TACC1: variants seen among roughly 807,000 people sequenced by gnomAD.
TACC1 encodes the protein transforming acidic coiled-coil containing protein 1, also known as transforming acidic coiled-coil-containing protein 1.
Under a neutral mutation model 84.4 loss-of-function variants are expected in TACC1, and 48 were observed. The observed-to-expected ratio is 0.57, with a 90% CI of 0.45 to 0.72. TACC1 has a LOEUF of 0.72. Among genes scored for constraint, TACC1 ranks in the 30% least tolerant of loss-of-function variants. The pLI, the probability that TACC1 is intolerant of heterozygous loss-of-function variation, is 0.00. For missense variants in TACC1, 920 were observed against 973.0 expected (o/e 0.95, Z 0.72); for synonymous variants, 372 against 376.3 (o/e 0.99, Z 0.13).
At chr8:38,832,894 A>G (rs988992937) in intron 6 of TACC1, among the ~76,000 whole-genome samples, 1 of 152,236 alleles carries the variant, frequency 6.6e-6, no homozygotes, top group African/African-American at 2.4e-5. Context: ...AATCAGTGGC[A>G]TCTGTGCTCA....
At position 38,787,268 on chromosome 8, in the gene TACC1, G is replaced by A; in HGVS notation, c.-315G>A. The A allele has an allele frequency of 9.4e-7, 1 of 1,065,754 alleles. No homozygotes were observed. Among genetic ancestry groups the A allele is most frequent in the Non-Finnish European group, 1.1e-6 (1 of 882,240 alleles). The allele number at this position is 1,065,754 out of a possible 1,614,324, so 66.0% of individuals were successfully genotyped here. ...CGAGCCGGGAGCGGGAGCAGCAGAGGTCTAGCAGCCGGGCGCCGCGGGCCG... is the reference window on the plus strand; with the variant it reads ...CGAGCCGGGAGCGGGAGCAGCAGAGATCTAGCAGCCGGGCGCCGCGGGCCG... On this transcript the variant is annotated 5_prime_UTR_variant, in exon 1 of 13. Transcript: ENST00000317827.
intron 7 of TACC1, among the ~76,000 whole-genome samples, chr8:38,836,715 G>A (rs1830316497): frequency 6.6e-6 from 1 of 152,140 alleles, no homozygotes; most frequent in Non-Finnish European, 1.5e-5. Context: ...TCCGATTCCT[G>A]TATTGTGTTT....
rs558000286 is a variant in TACC1, at chr8:38,817,052, G to A, written c.278-2470G>A. Among the ~76,000 whole-genome samples the A allele has an allele frequency of 5.8e-4, 88 of 152,330 alleles. 1 individual carries two copies. The Middle Eastern group carries it at 0.01, about 18-fold the overall frequency. The stretch of plus-strand genomic sequence containing the variant: ...TCAGGAGGTTCCAGGGGTTGTAGGA[G>A]CTCTGTGCCAGGAACTGAGGACAAA... On this transcript the variant is annotated intron_variant, in intron 2 of 12. Transcript: ENST00000317827.
chr8:38,846,467 T>TA, intron 11 of TACC1: 1 of 422,218 alleles, frequency 2.4e-6, no homozygotes. Flanking sequence ...CTAAGACTGT[T>TA]ATAGAAACCA....
At chr8:38,782,117 CCACT>C (rs1483594170) in intron 3 of TACC1, among the ~76,000 whole-genome samples, 2 of 151,410 alleles carry the variant, frequency 1.3e-5, no homozygotes, top group Non-Finnish European at 3.0e-5. Flanking sequence ...TGCGCTGCAC[CCACT>C]AACTCGTCAT....
chr8:38,757,159 A>T, intron 3 of TACC1: 1 of 813,150 alleles, frequency 1.2e-6, no homozygotes, highest in Non-Finnish European at 1.6e-6. Context: ...GCGGCATCTG[A>T]AGCCACCTCC....
intron 11 of TACC1, among the ~76,000 whole-genome samples, chr8:38,844,316 G>A (rs1019278012): frequency 2.0e-5 from 3 of 151,960 alleles, no homozygotes; most frequent in Non-Finnish European, 2.9e-5. Context: ...TGGATTACAG[G>A]CACACGCCAC....
At chr8:38,839,381 A>C in intron 8 of TACC1, 3 of 394,492 alleles carry the variant, frequency 7.6e-6, no homozygotes, top group Non-Finnish European at 1.3e-5. Flanking sequence ...GTAGAGAAGA[A>C]AAAAAGGCAT....
intron 3 of TACC1, among the ~76,000 whole-genome samples, chr8:38,758,791 A>G (rs1254923963): frequency 1.3e-5 from 2 of 151,662 alleles, no homozygotes; most frequent in African/African-American, 4.8e-5. Context: ...TTGAATTACT[A>G]TAGTTCTTGT....
At chr8:38,840,333 G>A (rs751265097) in intron 9 of TACC1, 66 bp downstream of exon 9, 1 of 1,439,070 alleles carries the variant, frequency 6.9e-7, no homozygotes, top group South Asian at 1.2e-5. Context: ...GTTCAGCCTG[G>A]TATAACAAAA....
chr8:38,753,905 T>TTTTCTTTTTCTTTC (rs1554495446), intron 3 of TACC1, among the ~76,000 whole-genome samples: 1 of 124,516 alleles, frequency 8.0e-6, no homozygotes, highest in South Asian at 2.8e-4. Context: ...CTCTTTTTCT[T>TTTTCTTTTTCTTTC]TTTCTTTCTT....
intron 1 of TACC1, among the ~76,000 whole-genome samples, chr8:38,734,573 A>T (rs894885368): frequency 6.6e-6 from 1 of 152,218 alleles, no homozygotes; most frequent in African/African-American, 2.4e-5. Flanking sequence ...CACGATACAG[A>T]ACAAAATGCC....
intron 2 of TACC1, 25 bp from the exon 3 acceptor site, chr8:38,819,497 A>G (rs1359987921): frequency 3.2e-6 from 5 of 1,582,498 alleles, no homozygotes; most frequent in Non-Finnish European, 4.3e-6. Flanking sequence ...ATTCTTTAAT[A>G]GATGGTTTTT....
chr8:38,794,761 T>C (rs1337609736), intron 2 of TACC1, among the ~76,000 whole-genome samples: 1 of 152,214 alleles, frequency 6.6e-6, no homozygotes, highest in Non-Finnish European at 1.5e-5. Context: ...TTAACATCCT[T>C]TCCCTGCTCC....
At position 38,831,163 on chromosome 8, in the gene TACC1, G is replaced by A. The variant is rs764989942; in HGVS notation, c.1699G>A (p.Gly567Arg). ...KETCQKMEED[G>R]STVLGLLESS... is the part of the protein sequence containing the mutation. ...GACGTGCCAGAAGATGGAAGAAGAC[G>A]GGTCCACTGTGCTTGTAAGTTCCTG... The change falls in exon 6 of 13, where the codon GGG becomes AGG. Residue 567 changes from glycine to arginine, a missense_variant. Physicochemically the swap from Gly to Arg is moderately radical, Grantham distance 125. This residue lies in a region of TACC1 where 762 missense variants were observed against 747.3 expected (regional missense o/e 1.02). Transcript: ENST00000317827. 102 of 1,614,066 alleles carry A rather than the reference G, an allele frequency of 6.3e-5. No individual in the cohort carries two copies. Among genetic ancestry groups the A allele is most frequent in the Non-Finnish European group, 2.8e-5 (33 of 1,180,036 alleles).
chr8:38,763,922 A>G (rs1040610998), intron 3 of TACC1, among the ~76,000 whole-genome samples: 3 of 152,204 alleles, frequency 2.0e-5, no homozygotes, highest in Non-Finnish European at 4.4e-5. Context: ...ATAACTTAGG[A>G]TACATTCCTA....
chr8:38,840,469 C>G, intron 9 of TACC1: 1 of 442,938 alleles, frequency 2.3e-6, no homozygotes. Context: ...CTGGCTAGCT[C>G]TCTGGGGTCT....
At position 38,851,058 on chromosome 8, in the gene TACC1, C is replaced by G. The variant is rs1833022861; in HGVS notation, c.*3035C>G. The G allele has an allele frequency of 1.3e-5, 2 of 152,472 alleles. No homozygotes were observed. The highest frequency in any genetic ancestry group is 4.8e-5 in the African/African-American group (2 of 41,440). The allele number at this position is 152,472 out of a possible 1,614,324, so 9.4% of individuals were successfully genotyped here. On this transcript the variant is annotated 3_prime_UTR_variant, in exon 13 of 13. Coordinates refer to ENST00000317827, the MANE Select transcript of TACC1 (RefSeq NM_006283.3). ...CCTTCCAGCCAGTGACCTACCCAAA[C>G]CTTTTGTTCTGTAAAACTGCTCTGG...
intron 2 of TACC1, among the ~76,000 whole-genome samples, chr8:38,808,611 C>T (rs1450311699): frequency 6.6e-6 from 1 of 152,176 alleles, no homozygotes; most frequent in Non-Finnish European, 1.5e-5. Context: ...GATGGGGTTT[C>T]ACCATGTTTC....
Sources: gnomAD v4.1 joint callset for allele counts (sites outside exome capture counted in the v4.1 genomes callset) on GRCh38, gnomAD v4.1.1 for gene constraint, gnomAD v4.1.1 regional missense constraint, MANE v1.5 for transcripts, NCBI Gene and HGNC (gene_info 2026-07-23, HGNC 2026-07-21) for gene names.